CD96: variants seen among roughly 807,000 people sequenced by gnomAD.
CD96 encodes the protein T-cell surface protein tactile.
In CD96, 70 loss-of-function variants were observed where a neutral mutation model predicts 71.3. That is an observed-to-expected ratio of 0.98 (90% CI 0.81 to 1.20). CD96 has a LOEUF of 1.20. Ranked by LOEUF, CD96 falls within the 50% of genes most tolerant of loss-of-function variation. The pLI, the probability that CD96 is intolerant of heterozygous loss-of-function variation, is 0.00. For synonymous variants in CD96, 248 were observed against 233.0 expected, an observed-to-expected ratio of 1.06 and a Z score of -0.59; for missense variants, 742 against 677.5, an observed-to-expected ratio of 1.10 and a Z score of -1.06.
In CD96 at chr3:111,650,014, G is replaced by A. The variant is rs1940007301; in HGVS notation, c.*208G>A. On this transcript the variant is annotated 3_prime_UTR_variant, in exon 14 of 14. Coordinates refer to ENST00000352690, the MANE Select transcript of CD96 (RefSeq NM_005816.5). ...AACCAAGAGTGAGAGGATATGTCATGTTCACACTCAATGCAATTCGTAGTG... is the reference window on the plus strand; with the variant it reads ...AACCAAGAGTGAGAGGATATGTCATATTCACACTCAATGCAATTCGTAGTG... 1.7e-6 allele frequency: 1 copy of A among 587,756 alleles called. No homozygotes were observed. The highest frequency in any genetic ancestry group is 2.6e-5 in the Admixed American group (1 of 37,740). 36.4% of individuals were successfully genotyped at this position (587,756 alleles called of 1,614,324 possible). A position where few individuals can be genotyped will look rare whatever the true frequency, so the allele number is the denominator to read the frequency against.
chr3:111,642,338 A>T (rs1939630263), intron 12 of CD96, among the ~76,000 whole-genome samples: 1 of 152,258 alleles, frequency 6.6e-6, no homozygotes, highest in African/African-American at 2.4e-5. Context: ...ACAGAAATAC[A>T]GAAGATCATT....
At chr3:111,556,758 T>C (rs532668967) in intron 2 of CD96, among the ~76,000 whole-genome samples, 2 of 151,768 alleles carry the variant, frequency 1.3e-5, no homozygotes, top group East Asian at 3.9e-4. Context: ...TTTCTAGTTC[T>C]AGATCCCTGA....
chr3:111,634,965 C>T (rs1939253681), intron 10 of CD96: 1 of 152,214 alleles, frequency 6.6e-6, no homozygotes, highest in Admixed American at 6.6e-5. Context: ...AAAGGGCATA[C>T]AAATTAGCCA....
At chr3:111,562,059 G>T (rs1935461846) in intron 2 of CD96, among the ~76,000 whole-genome samples, 1 of 152,212 alleles carries the variant, frequency 6.6e-6, no homozygotes, top group Non-Finnish European at 1.5e-5. Context: ...GCCTCGCCCT[G>T]CTTCGGCTCC....
intron 3 of CD96, chr3:111,571,045 G>C: frequency 7.7e-6 from 9 of 1,165,940 alleles, no homozygotes; most frequent in Non-Finnish European, 1.2e-5. Flanking sequence ...TAGGAGGGAG[G>C]TCCCTCCAGG....
At chr3:111,599,985 T>G (rs914392695) in intron 6 of CD96, among the ~76,000 whole-genome samples, 1 of 152,252 alleles carries the variant, frequency 6.6e-6, no homozygotes, top group African/African-American at 2.4e-5. Context: ...CCAAGTATGC[T>G]ATTTGGAGGT....
chr3:111,625,368 T>C (rs1035019709), intron 10 of CD96, among the ~76,000 whole-genome samples: 4 of 152,206 alleles, frequency 2.6e-5, no homozygotes, highest in Non-Finnish European at 5.9e-5. Flanking sequence ...AACATATTTC[T>C]TTTAATAAAT....
intron 10 of CD96, among the ~76,000 whole-genome samples, chr3:111,635,506 A>G (rs1240408583): frequency 6.6e-6 from 1 of 152,226 alleles, no homozygotes; most frequent in East Asian, 1.9e-4. Context: ...AAGTGTTGTA[A>G]TGTTTGTAAT....
chr3:111,585,275 G>T (rs1936653835), intron 4 of CD96, 48 bp from the exon 5 acceptor site: 3 of 1,152,400 alleles, frequency 2.6e-6, no homozygotes, highest in South Asian at 2.4e-5. Flanking sequence ...CTAGTGGCCA[G>T]GTAGGATGAC....
At position 111,651,698 on chromosome 3, in the gene CD96, C is replaced by T. The variant is rs545759462; in HGVS notation, c.*1892C>T. The T allele has an allele frequency of 6.6e-6, 1 of 152,050 alleles. No homozygotes were observed. Among genetic ancestry groups the T allele is most frequent in the East Asian group, 1.9e-4 (1 of 5,152 alleles). The allele number at this position is 152,050 out of a possible 1,614,324, so 9.4% of individuals were successfully genotyped here. ...GAGATCGAGACCATCCTGGCTAACA[C>T]AGTGAAACCCCGTCTCTACTAAAAA... On this transcript the variant is annotated 3_prime_UTR_variant, in exon 14 of 14. Transcript: ENST00000352690.
At chr3:111,562,232 C>G (rs923297398) in intron 2 of CD96, among the ~76,000 whole-genome samples, 1 of 152,180 alleles carries the variant, frequency 6.6e-6, no homozygotes, top group Non-Finnish European at 1.5e-5. Context: ...TTGGCTCCTC[C>G]CCGAATAACA....
intron 5 of CD96, among the ~76,000 whole-genome samples, chr3:111,592,057 G>C (rs981412414): frequency 2.6e-5 from 4 of 152,050 alleles, no homozygotes; most frequent in Admixed American, 2.0e-4. Flanking sequence ...ATCTATTCCT[G>C]TCTTCCCAAG....
At chr3:111,567,248 G>A (rs572574483) in intron 2 of CD96, among the ~76,000 whole-genome samples, 3 of 152,260 alleles carry the variant, frequency 2.0e-5, no homozygotes, top group African/African-American at 7.2e-5. Flanking sequence ...CACCAATTTG[G>A]GGCCAAAGCA....
At chr3:111,594,246 C>T in intron 5 of CD96, 1 of 1,516,870 alleles carries the variant, frequency 6.6e-7, no homozygotes, top group Non-Finnish European at 8.8e-7. Context: ...TAGATGTGAG[C>T]CAAAAGCTTA....
intron 7 of CD96, among the ~76,000 whole-genome samples, chr3:111,604,546 AG>A (rs1243059913): frequency 3.3e-5 from 5 of 152,214 alleles, no homozygotes; most frequent in Admixed American, 3.3e-4. Context: ...CTCTGTCACA[AG>A]GCAAAGTGTT....
intron 5 of CD96, among the ~76,000 whole-genome samples, chr3:111,590,977 A>C (rs1936949746): frequency 6.6e-6 from 1 of 152,212 alleles, no homozygotes; most frequent in African/African-American, 2.4e-5. Flanking sequence ...TTAGGAAAAA[A>C]AATCTAAAGA....
Position 111,614,414 on chromosome 3 carries a change from G to A in CD96, c.1180+7622G>A, listed in dbSNP as rs77572319. Among the ~76,000 whole-genome samples the A allele has an allele frequency of 4.8e-3, 732 of 152,278 alleles. 5 individuals are homozygous for A. Among genetic ancestry groups the A allele is most frequent in the South Asian group, 0.015 (71 of 4,826 alleles). On this transcript the variant is annotated intron_variant, in intron 8 of 13. Coordinates refer to ENST00000352690, the MANE Select transcript of CD96 (RefSeq NM_005816.5). ...AATCTGACTTAGGTGTCCTCTGGAT[G>A]AGGAGAATAAAAATTGCCATATTGA... is the stretch of plus-strand genomic sequence containing the variant.
downstream of CD96, among the ~76,000 whole-genome samples, chr3:111,654,551 C>A (rs987265813): frequency 6.6e-6 from 1 of 152,188 alleles, no homozygotes; most frequent in Admixed American, 6.5e-5. Context: ...TCTCTGTTAT[C>A]CAAATCTCCA....
Position 111,554,329 on chromosome 3 carries a change from A to G in CD96, c.418+8927A>G, listed in dbSNP as rs558148885. On this transcript the variant is annotated intron_variant, in intron 2 of 13. Coordinates refer to ENST00000352690, the MANE Select transcript of CD96 (RefSeq NM_005816.5). ...ATTTCTGATATTGTATTTTTAAGTT[A>G]TTTGATCACATTTGATAGATTTTTA... Among the ~76,000 whole-genome samples, 382 of 152,124 alleles carry G rather than the reference A, an allele frequency of 2.5e-3. 4 individuals carry two copies. Among genetic ancestry groups the G allele is most frequent in the African/African-American group, 8.6e-3 (358 of 41,516 alleles).
Sources: allele counts gnomAD v4.1 joint callset (sites outside exome capture counted in the v4.1 genomes callset), GRCh38; gene constraint gnomAD v4.1.1; transcripts MANE v1.5; gene names NCBI Gene and HGNC (gene_info 2026-07-23, HGNC 2026-07-21).